The following GABRB3 variants were observed in gnomAD, a reference collection of about 807,000 sequenced individuals.
GABRB3 encodes gamma-aminobutyric acid receptor subunit beta-3.
Under a neutral mutation model 52.1 loss-of-function variants are expected in GABRB3, and 14 were observed. The observed-to-expected ratio is 0.27, with a 90% CI of 0.18 to 0.42. GABRB3 has a LOEUF of 0.42. Among genes scored for constraint, GABRB3 ranks in the 10% least tolerant of loss-of-function variants. GABRB3 has a pLI of 1.00. For synonymous variants in GABRB3, 260 were observed against 232.3 expected (o/e 1.12, Z -1.08); for missense variants, 307 against 609.1 (o/e 0.50, Z 5.22).
chr15:26,576,249 G>A (rs1436525327), intron 6 of GABRB3, among the ~76,000 whole-genome samples: 2 of 152,120 alleles, frequency 1.3e-5, no homozygotes, highest in African/African-American at 2.4e-5. Flanking sequence ...TACAGCCAAC[G>A]GCTCAAATAT....
chr15:26,740,558 T>TCTC (rs1248126167), intron 3 of GABRB3, among the ~76,000 whole-genome samples: 3 of 151,958 alleles, frequency 2.0e-5, no homozygotes, highest in African/African-American at 7.3e-5. Context: ...GTCTGTCTTC[T>TCTC]CTCCTCCTCC....
At chr15:26,629,511 G>C (rs1418769979) in intron 3 of GABRB3, among the ~76,000 whole-genome samples, 1 of 152,204 alleles carries the variant, frequency 6.6e-6, no homozygotes, top group Non-Finnish European at 1.5e-5. Flanking sequence ...GGCAGGAGGA[G>C]GAGGGGGTAT....
intron 4 of GABRB3, among the ~76,000 whole-genome samples, chr15:26,609,121 C>T (rs60202879): frequency 0.27 from 27,378 of 102,050 alleles, 2,482 homozygotes; most frequent in Non-Finnish European, 0.3. Context: ...CACACACACA[C>T]ACACACACAC....
chr15:26,551,557 C>T (rs1217709765), intron 8 of GABRB3, among the ~76,000 whole-genome samples: 1 of 152,214 alleles, frequency 6.6e-6, no homozygotes, highest in East Asian at 1.9e-4. Flanking sequence ...TCACTCAGCA[C>T]TCCAATCCCA....
intron 4 of GABRB3, among the ~76,000 whole-genome samples, chr15:26,588,753 TATA>T (rs1168986351): frequency 1.3e-5 from 2 of 152,194 alleles, no homozygotes; most frequent in Non-Finnish European, 2.9e-5. Context: ...AAATTGGAAA[TATA>T]ATGAGTAAAT....
intron 6 of GABRB3, among the ~76,000 whole-genome samples, chr15:26,570,517 C>T (rs1890356158): frequency 6.6e-6 from 1 of 152,206 alleles, no homozygotes; most frequent in Non-Finnish European, 1.5e-5. Context: ...CTCATTGCTT[C>T]CCACAAACAT....
chr15:26,597,801 C>A (rs928961379), intron 4 of GABRB3, among the ~76,000 whole-genome samples: 4 of 152,180 alleles, frequency 2.6e-5, no homozygotes, highest in Non-Finnish European at 5.9e-5. Context: ...GAAACAGTAT[C>A]AGTTAATGTA....
chr15:26,571,649 C>T (rs1041631961), intron 6 of GABRB3, among the ~76,000 whole-genome samples: 1 of 152,152 alleles, frequency 6.6e-6, no homozygotes, highest in Non-Finnish European at 1.5e-5. Flanking sequence ...CATTAGGGAC[C>T]TTGAAGAAGA....
rs111745146 is a variant in GABRB3, at chr15:26,651,980, C to A, written c.241-30446G>T. ...TTCCCTTTCTAGGCCTTTCCCAGAT[C>A]TAGGAGAGATTAACTGAGAGCCTGA... On this transcript the variant is annotated intron_variant, in intron 3 of 8. Transcript: ENST00000311550. Among the ~76,000 whole-genome samples, 14 of 152,222 alleles carry A rather than the reference C, an allele frequency of 9.2e-5. 1 individual carries two copies. Among genetic ancestry groups the A allele is most frequent in the African/African-American group, 3.1e-4 (13 of 41,538 alleles).
At chr15:26,557,432 G>T in intron 8 of GABRB3, among the ~76,000 whole-genome samples, 1 of 152,048 alleles carries the variant, frequency 6.6e-6, no homozygotes, top group African/African-American at 2.4e-5. Context: ...TAAGATGATA[G>T]TTAAAAAAAG....
intron 3 of GABRB3, among the ~76,000 whole-genome samples, chr15:26,697,723 C>A (rs1431376274): frequency 6.6e-6 from 1 of 152,056 alleles, no homozygotes; most frequent in Admixed American, 6.6e-5. Flanking sequence ...CTCTTTATAT[C>A]CCCCTCCTCC....
At chr15:26,623,299 C>T (rs945314373) in intron 3 of GABRB3, among the ~76,000 whole-genome samples, 1 of 152,160 alleles carries the variant, frequency 6.6e-6, no homozygotes, top group Non-Finnish European at 1.5e-5. Context: ...AACTAGAATG[C>T]CACCTTCGCA....
In GABRB3 at chr15:26,771,387, C is replaced by T. The variant is rs1163865275; in HGVS notation, c.240+1015G>A. 2.6e-5 allele frequency among the ~76,000 whole-genome samples: 4 copies of T among 152,270 alleles called. No homozygotes were observed. The East Asian group carries it at 7.7e-4, about 29-fold the overall frequency. On this transcript the variant is annotated intron_variant, in intron 3 of 8. Transcript: ENST00000311550. ...AGTTTGCCCACGTGATTCCGACGTA[C>T]ACGAGAGTTAAGAAGCCTACAGAGT... is the stretch of plus-strand genomic sequence containing the variant.
intron 4 of GABRB3, among the ~76,000 whole-genome samples, chr15:26,586,980 C>G (rs1482449582): frequency 6.6e-6 from 1 of 152,064 alleles, no homozygotes; most frequent in Non-Finnish European, 1.5e-5. Context: ...TATTGCAGAA[C>G]ATGGTGAATA....
Position 26,765,168 on chromosome 15 carries a change from C to T in GABRB3, c.240+7234G>A, listed in dbSNP as rs113437008. Among the ~76,000 whole-genome samples, 6 of 147,158 alleles carry T rather than the reference C, an allele frequency of 4.1e-5. No individual in the cohort carries two copies. The East Asian group carries it at 6.0e-4, about 15-fold the overall frequency. ...AAAGTCAAAACTTCCCTATAATATA[C>T]GAAAGCTCCACCCTCATATACTTTC... On this transcript the variant is annotated intron_variant, in intron 3 of 8. Coordinates refer to ENST00000311550, the MANE Select transcript of GABRB3 (RefSeq NM_000814.6).
intron 3 of GABRB3, among the ~76,000 whole-genome samples, chr15:26,628,350 C>T (rs79796963): frequency 2.6e-5 from 4 of 152,132 alleles, no homozygotes; most frequent in African/African-American, 9.7e-5. Flanking sequence ...TTGGGGGAGG[C>T]GAAGATGAAC....
chr15:26,742,924 C>CT (rs779891729), intron 3 of GABRB3, among the ~76,000 whole-genome samples: 8,268 of 48,800 alleles, frequency 0.17, 1,083 homozygotes, highest in East Asian at 0.4. Flanking sequence ...ATTAGAGATT[C>CT]TTTTTTTTTT....
chr15:26,667,192 C>T (rs1229586662), intron 3 of GABRB3, among the ~76,000 whole-genome samples: 1 of 152,220 alleles, frequency 6.6e-6, no homozygotes, highest in Admixed American at 6.5e-5. Context: ...GCAGGTTTCA[C>T]ACCTGGGTTA....
At chr15:26,632,633 C>T (rs1892942251) in intron 3 of GABRB3, among the ~76,000 whole-genome samples, 2 of 152,190 alleles carry the variant, frequency 1.3e-5, no homozygotes, top group South Asian at 4.1e-4. Context: ...AAGAGAGATG[C>T]CCTTCACTAA....
Sources: allele counts gnomAD v4.1 joint callset (sites outside exome capture counted in the v4.1 genomes callset), GRCh38; gene constraint gnomAD v4.1.1; transcripts MANE v1.5; gene names NCBI Gene and HGNC (gene_info 2026-07-23, HGNC 2026-07-21).